The following SIM1 variants were observed in gnomAD, a reference collection of about 807,000 sequenced individuals.
The protein encoded by SIM1 is SIM bHLH transcription factor 1.
SIM1 carries 18 observed loss-of-function variants against 78.2 expected under a neutral mutation model. The observed-to-expected ratio is 0.23, with a 90% CI of 0.16 to 0.34. SIM1 has a LOEUF of 0.34. Among genes scored for constraint, SIM1 ranks in the 10% least tolerant of loss-of-function variants. SIM1 has a pLI of 1.00. For missense variants in SIM1, 939 were observed against 975.1 expected (o/e 0.96, Z 0.49); for synonymous variants, 417 against 385.2 (o/e 1.08, Z -0.97).
At chr6:100,436,111 AT>A (rs1412977008) in intron 9 of SIM1, among the ~76,000 whole-genome samples, 1 of 151,992 alleles carries the variant, frequency 6.6e-6, no homozygotes, top group African/African-American at 2.4e-5. Context: ...CTGTGAGCTC[AT>A]TTTTCAGGAG....
chr6:100,408,010 T>A (rs1026878937), intron 10 of SIM1, among the ~76,000 whole-genome samples: 1 of 152,168 alleles, frequency 6.6e-6, no homozygotes, highest in Non-Finnish European at 1.5e-5. Flanking sequence ...TTATTTTTGC[T>A]TTTGTTGTCA....
chr6:100,461,320 C>T (rs1430745213), intron 2 of SIM1, among the ~76,000 whole-genome samples: 2 of 152,200 alleles, frequency 1.3e-5, no homozygotes, highest in African/African-American at 2.4e-5. Context: ...AACAAAACAA[C>T]AGCAGAAAAC....
In SIM1 at chr6:100,390,995, C is replaced by T. The variant is rs537539648; in HGVS notation, c.1667G>A (p.Ser556Asn). Residue 556 changes from serine (S) to asparagine (N), a missense_variant, in exon 12 of 12, where the codon AGT becomes AAT. Ser to Asn is a conservative substitution (Grantham distance 46). Coordinates refer to ENST00000369208, the MANE Select transcript of SIM1 (RefSeq NM_005068.3). ...GDRYRTEQYQ[S>N]SPHEPSKIET... ...AATTTTGCTGGGTTCATGTGGGCTA[C>T]TTTGATACTGCTCAGTACGATATCG... 1.2e-5 allele frequency: 19 copies of T among 1,614,146 alleles called. No homozygotes were observed. The highest frequency in any genetic ancestry group is 5.3e-5 in the African/African-American group (4 of 75,034).
chr6:100,406,866 C>T (rs1235277552), intron 10 of SIM1, among the ~76,000 whole-genome samples: 1 of 152,144 alleles, frequency 6.6e-6, no homozygotes, highest in African/African-American at 2.4e-5. Flanking sequence ...TTCTTAGCAA[C>T]TTTCAAGTGT....
intron 10 of SIM1, among the ~76,000 whole-genome samples, chr6:100,418,262 G>A (rs1316959379): frequency 6.6e-6 from 1 of 151,876 alleles, no homozygotes; most frequent in African/African-American, 2.4e-5. Flanking sequence ...TGATACTACA[G>A]GGAAGTATTG....
intron 10 of SIM1, among the ~76,000 whole-genome samples, chr6:100,400,106 T>A (rs1770869728): frequency 6.6e-6 from 1 of 151,954 alleles, no homozygotes; most frequent in African/African-American, 2.4e-5. Flanking sequence ...TGCAATGCCA[T>A]CTACATGAAG....
At chr6:100,429,011 G>A (rs1364622593) in intron 9 of SIM1, among the ~76,000 whole-genome samples, 1 of 151,966 alleles carries the variant, frequency 6.6e-6, no homozygotes, top group African/African-American at 2.4e-5. Flanking sequence ...GGATAAGGGG[G>A]GACTATGGTA....
chr6:100,461,227 G>T (rs1361576789), intron 2 of SIM1, among the ~76,000 whole-genome samples: 1 of 152,156 alleles, frequency 6.6e-6, no homozygotes, highest in Non-Finnish European at 1.5e-5. Flanking sequence ...AGTTTATTTT[G>T]TTCCTATTTA....
chr6:100,416,184 C>A (rs1240438115), intron 10 of SIM1, among the ~76,000 whole-genome samples: 3 of 151,008 alleles, frequency 2.0e-5, no homozygotes, highest in African/African-American at 7.3e-5. Flanking sequence ...CTCTCAGGTT[C>A]ATTTTCTAAA....
chr6:100,450,372 TAG>T lies in SIM1; in HGVS notation c.259-18_259-17del. ...CATCCAGGGTCTGGGGAGGCACAAA[TAG>T]AGAGAATAGAGAGCCCTCTGGGCCA... On this transcript the variant is annotated splice_polypyrimidine_tract_variant and intron_variant, in intron 3 of 11. Transcript: ENST00000369208. The T allele has an allele frequency of 6.2e-7, 1 of 1,605,530 alleles. No homozygotes were observed. Among genetic ancestry groups the T allele is most frequent in the Non-Finnish European group, 8.5e-7 (1 of 1,172,838 alleles).
chr6:100,457,021 G>C (rs546543671), intron 2 of SIM1, among the ~76,000 whole-genome samples: 25 of 152,314 alleles, frequency 1.6e-4, no homozygotes, highest in Non-Finnish European at 3.2e-4. Context: ...GCGAATGAAT[G>C]ATGAGCCCCA....
In SIM1 at chr6:100,440,712, C is replaced by A. The variant is rs544948098; in HGVS notation, c.998+6556G>T. ...ATGAAGGCTTAATTATAGACACTAGCATTTCAGCTCCAGTGAATTTTCTAT... is the reference window on the plus strand; with the variant it reads ...ATGAAGGCTTAATTATAGACACTAGAATTTCAGCTCCAGTGAATTTTCTAT... On this transcript the variant is annotated intron_variant, in intron 9 of 11. Transcript: ENST00000369208. Among the ~76,000 whole-genome samples, 34 of 152,334 alleles carry A rather than the reference C, an allele frequency of 2.2e-4. No homozygotes were observed. The South Asian group carries it at 6.8e-3, about 31-fold the overall frequency.
At chr6:100,443,643 G>C (rs1048353791) in intron 9 of SIM1, among the ~76,000 whole-genome samples, 5 of 147,342 alleles carry the variant, frequency 3.4e-5, no homozygotes, top group Non-Finnish European at 7.6e-5. Context: ...CAGTAAACTA[G>C]CTCTCAACTA....
chr6:100,456,015 G>A (rs1254464351), intron 2 of SIM1, among the ~76,000 whole-genome samples: 1 of 152,144 alleles, frequency 6.6e-6, no homozygotes, highest in Non-Finnish European at 1.5e-5. Flanking sequence ...TCCGGCACAG[G>A]TTAACAGGAG....
chr6:100,392,726 C>T (rs1025275202), intron 11 of SIM1, among the ~76,000 whole-genome samples: 1 of 152,188 alleles, frequency 6.6e-6, no homozygotes, highest in African/African-American at 2.4e-5. Flanking sequence ...ATCCTAATGT[C>T]ACTGACTTTT....
At chr6:100,438,417 C>T (rs1222384644) in intron 9 of SIM1, among the ~76,000 whole-genome samples, 5 of 152,276 alleles carry the variant, frequency 3.3e-5, no homozygotes, top group African/African-American at 1.2e-4. Context: ...TGAGGTACCA[C>T]CTTACACCTG....
In SIM1 at chr6:100,390,773, C is replaced by G; in HGVS notation, c.1889G>C (p.Cys630Ser). 6.2e-7 allele frequency: 1 copy of G among 1,614,092 alleles called. No individual in the cohort carries two copies. Among genetic ancestry groups the G allele is most frequent in the Non-Finnish European group, 8.5e-7 (1 of 1,180,018 alleles). The change falls in exon 12 of 12, where the codon TGT becomes TCT. Residue 630 changes from cysteine (C) to serine (S), a missense_variant. This residue lies in a region of SIM1 where 556 missense variants were observed against 521.9 expected (regional missense o/e 1.07). Transcript: ENST00000369208. The stretch of plus-strand genomic sequence containing the variant: ...TCCCTCTCTCTGCTGGATATGGTCA[C>G]ATGGTGAAGTGTTGGCAAGAGCAGA... ...HGSALANTSPCDHIQQREGKM... is the reference protein window; with the variant it reads ...HGSALANTSPSDHIQQREGKM...
chr6:100,418,937 C>T (rs1003661946), intron 10 of SIM1, among the ~76,000 whole-genome samples: 1 of 152,062 alleles, frequency 6.6e-6, no homozygotes, highest in Non-Finnish European at 1.5e-5. Context: ...GAGGCTGAGG[C>T]GAGCAGATTG....
At chr6:100,396,128 C>T (rs896346830) in intron 10 of SIM1, 3 of 975,120 alleles carry the variant, frequency 3.1e-6, no homozygotes, top group African/African-American at 1.8e-5. Flanking sequence ...AAGATATCGC[C>T]TTCACTTTCA....
Sources: gnomAD v4.1 joint callset for allele counts (sites outside exome capture counted in the v4.1 genomes callset) on GRCh38, gnomAD v4.1.1 for gene constraint, gnomAD v4.1.1 regional missense constraint, MANE v1.5 for transcripts, NCBI Gene and HGNC (gene_info 2026-07-23, HGNC 2026-07-21) for gene names.